The following ATP9A variants were observed in gnomAD, a reference collection of about 807,000 sequenced individuals.
ATP9A encodes ATPase phospholipid transporting 9A, also known as probable phospholipid-transporting ATPase IIA.
Under a neutral mutation model 144.1 loss-of-function variants are expected in ATP9A, and 52 were observed. That is an observed-to-expected ratio of 0.36 (90% CI 0.29 to 0.45). ATP9A has a LOEUF of 0.45. Among genes scored for constraint, ATP9A ranks in the 20% least tolerant of loss-of-function variants. The pLI is 1.00. For synonymous variants in ATP9A, 582 were observed against 557.4 expected, an observed-to-expected ratio of 1.04 and a Z score of -0.62; for missense variants, 947 against 1,392.7, an observed-to-expected ratio of 0.68 and a Z score of 5.09.
chr20:51,673,690 G>C (rs929202108), intron 11 of ATP9A, among the ~76,000 whole-genome samples: 7 of 152,238 alleles, frequency 4.6e-5, no homozygotes, highest in Non-Finnish European at 7.4e-5. Context: ...TCTGGTGCTA[G>C]AGCCTCAGTG....
chr20:51,624,776 C>T (rs879435546), intron 18 of ATP9A, among the ~76,000 whole-genome samples: 5 of 152,028 alleles, frequency 3.3e-5, no homozygotes, highest in Non-Finnish European at 7.4e-5. Context: ...GAGACTGAGA[C>T]AGACAGATCA....
At chr20:51,710,695 G>A (rs925499946) in intron 4 of ATP9A, among the ~76,000 whole-genome samples, 5 of 152,142 alleles carry the variant, frequency 3.3e-5, no homozygotes, top group Admixed American at 6.5e-5. Flanking sequence ...ATGGACACCA[G>A]GGGCCGCAAA....
intron 2 of ATP9A, among the ~76,000 whole-genome samples, chr20:51,729,519 T>G (rs1483233205): frequency 2.6e-5 from 4 of 151,988 alleles, no homozygotes; most frequent in South Asian, 4.2e-4. Context: ...CTGAAGTGGG[T>G]GGATCACCTG....
At chr20:51,750,921 C>G (rs1284761430) in intron 1 of ATP9A, among the ~76,000 whole-genome samples, 1 of 152,206 alleles carries the variant, frequency 6.6e-6, no homozygotes, top group Non-Finnish European at 1.5e-5. Flanking sequence ...CCCTCCAAGC[C>G]TGCTATGGCA....
chr20:51,734,153 A>G (rs2077753616), intron 1 of ATP9A, among the ~76,000 whole-genome samples: 1 of 140,662 alleles, frequency 7.1e-6, no homozygotes, highest in Admixed American at 7.0e-5. Context: ...TAATTTTTGT[A>G]ATTTTTTTTT....
chr20:51,671,298 G>T lies in ATP9A; in HGVS notation c.1038-41C>A, dbSNP rs148268185. 14,076 of 1,596,406 alleles carry T rather than the reference G, an allele frequency of 8.8e-3. 90 individuals carry two copies. The highest frequency in any genetic ancestry group is 0.025 in the Middle Eastern group (151 of 6,008). ...GAGCAAACAGGCTAACAGGACAGATGTAAGGCTCCTTGTATCTTTATAAAA... is the reference window on the plus strand; with the variant it reads ...GAGCAAACAGGCTAACAGGACAGATTTAAGGCTCCTTGTATCTTTATAAAA... On this transcript the variant is annotated intron_variant, in intron 11 of 27. Transcript: ENST00000338821.
Position 51,737,810 on chromosome 20 carries a change from C to G in ATP9A, c.69-7832G>C, listed in dbSNP as rs8114350. Among the ~76,000 whole-genome samples the G allele has an allele frequency of 9.4e-3, 1,430 of 152,168 alleles. 18 individuals carry two copies. The highest frequency in any genetic ancestry group is 0.032 in the African/African-American group (1,344 of 41,514). ...TTGTATGCTTCAAGGACTCATACTA[C>G]GGGATACAAAACCAAACACCTCCAC... is the stretch of plus-strand genomic sequence containing the variant. On this transcript the variant is annotated intron_variant, in intron 1 of 27. Coordinates refer to ENST00000338821, the MANE Select transcript of ATP9A (RefSeq NM_006045.3).
chr20:51,677,986 C>T (rs2077484165), intron 9 of ATP9A, among the ~76,000 whole-genome samples: 1 of 151,998 alleles, frequency 6.6e-6, no homozygotes, highest in African/African-American at 2.4e-5. Flanking sequence ...TACTTCTCTC[C>T]CCTTCTCAGT....
chr20:51,763,465 A>G (rs1230829511), intron 1 of ATP9A, among the ~76,000 whole-genome samples: 2 of 151,748 alleles, frequency 1.3e-5, no homozygotes, highest in Non-Finnish European at 2.9e-5. Flanking sequence ...AGTGCCCGCC[A>G]CCACACCCAG....
At chr20:51,696,947 A>T (rs1333942863) in intron 5 of ATP9A, among the ~76,000 whole-genome samples, 1 of 152,198 alleles carries the variant, frequency 6.6e-6, no homozygotes, top group African/African-American at 2.4e-5. Context: ...TATTTTTTAA[A>T]ATGTATTTTT....
intron 1 of ATP9A, among the ~76,000 whole-genome samples, chr20:51,744,326 C>T (rs189765317): frequency 1.2e-4 from 18 of 152,028 alleles, no homozygotes; most frequent in South Asian, 2.1e-4. Flanking sequence ...CCACCACAGC[C>T]GGCTAATTTT....
rs189756131 is a variant in ATP9A, at chr20:51,617,646, G to A, written c.2351-92C>T. The A allele has an allele frequency of 1.6e-4, 230 of 1,431,332 alleles. 2 individuals carry two copies. The highest frequency in any genetic ancestry group is 9.2e-4 in the Middle Eastern group (5 of 5,442). The allele number at this position is 1,431,332 out of a possible 1,614,324, so 88.7% of individuals were successfully genotyped here. A position where few individuals can be genotyped will look rare whatever the true frequency, so the allele number is the denominator to read the frequency against. ...TCTTTACCGCACTCTCGTCTTTCAC[G>A]GAGCGCTTGCTGAGTGCCTGGCCTG... On this transcript the variant is annotated intron_variant, in intron 21 of 27. Transcript: ENST00000338821.
At chr20:51,659,329 AC>A (rs1357323279) in intron 13 of ATP9A, among the ~76,000 whole-genome samples, 1 of 152,226 alleles carries the variant, frequency 6.6e-6, no homozygotes, top group Non-Finnish European at 1.5e-5. Flanking sequence ...CAGAAGGCTC[AC>A]CTGAGTGAGT....
chr20:51,656,260 G>A (rs1466302815), intron 14 of ATP9A, among the ~76,000 whole-genome samples: 4 of 151,708 alleles, frequency 2.6e-5, no homozygotes, highest in Non-Finnish European at 4.4e-5. Flanking sequence ...ACTATATTAA[G>A]AAGCCATACT....
chr20:51,649,193 T>C (rs138906773), intron 14 of ATP9A, among the ~76,000 whole-genome samples: 1 of 152,232 alleles, frequency 6.6e-6, no homozygotes, highest in Non-Finnish European at 1.5e-5. Context: ...TGGTACTTCA[T>C]CCAGTATCAG....
At chr20:51,632,164 G>A (rs1354710868) in intron 15 of ATP9A, among the ~76,000 whole-genome samples, 7 of 152,082 alleles carry the variant, frequency 4.6e-5, no homozygotes, top group African/African-American at 1.7e-4. Flanking sequence ...CGACCTCCTG[G>A]ACTCGAGTGA....
chr20:51,691,094 C>T (rs1213198265), intron 7 of ATP9A, among the ~76,000 whole-genome samples: 1 of 152,182 alleles, frequency 6.6e-6, no homozygotes, highest in Non-Finnish European at 1.5e-5. Context: ...GGTGATGCTA[C>T]ACACCTATGA....
intron 4 of ATP9A, among the ~76,000 whole-genome samples, chr20:51,700,772 G>T (rs891319554): frequency 6.6e-6 from 1 of 152,218 alleles, no homozygotes; most frequent in African/African-American, 2.4e-5. Flanking sequence ...GGAGGTTGCA[G>T]TGAGCCCAGT....
Position 51,627,726 on chromosome 20 carries a change from T to G in ATP9A, c.1762-43A>C, listed in dbSNP as rs1201468584. On this transcript the variant is annotated intron_variant, in intron 16 of 27. Coordinates refer to ENST00000338821, the MANE Select transcript of ATP9A (RefSeq NM_006045.3). ...GTCGAGTGGGAGCGGTGCTGAGAGCTCCTGACCTCACTGGGGAAGGACCAG... is the reference window on the plus strand; with the variant it reads ...GTCGAGTGGGAGCGGTGCTGAGAGCGCCTGACCTCACTGGGGAAGGACCAG... 1.9e-6 allele frequency: 3 copies of G among 1,541,448 alleles called. No homozygotes were observed. In the African/African-American group the frequency reaches 4.1e-5, roughly 21 times the overall value.
Sources: gnomAD v4.1 joint callset for allele counts (sites outside exome capture counted in the v4.1 genomes callset) on GRCh38, gnomAD v4.1.1 for gene constraint, MANE v1.5 for transcripts, NCBI Gene and HGNC (gene_info 2026-07-23, HGNC 2026-07-21) for gene names.